Variants in SEC23A observed in about 807,000 individuals in gnomAD.
SEC23A encodes protein transport protein Sec23A.
SEC23A carries 56 observed loss-of-function variants against 103.7 expected under a neutral mutation model. That is an observed-to-expected ratio of 0.54 (90% CI 0.44 to 0.67). SEC23A has a LOEUF of 0.67. Among genes scored for constraint, SEC23A ranks in the 30% least tolerant of loss-of-function variants. The pLI is 0.00. For missense variants in SEC23A, 784 were observed against 936.4 expected (o/e 0.84, Z 2.12); for synonymous variants, 281 against 293.0 (o/e 0.96, Z 0.42).
rs199838604 is a variant in SEC23A at position 39,067,267 on chromosome 14, T to G, written c.1133A>C (p.Asn378Thr). The G allele has an allele frequency of 1.2e-6, 2 of 1,613,616 alleles. No individual in the cohort carries two copies. The highest frequency in any genetic ancestry group is 2.2e-5 in the East Asian group (1 of 44,784). The part of the protein sequence containing the change: ...GGYMVMGDSF[N>T]TSLFKQTFQR... ...AAAAGTTTGTTTGAATAAGGAAGTA[T>G]TGAAAGAATCACCCATTACCATGTA... The change falls in exon 10 of 20, where the codon AAT (asparagine) becomes ACT (threonine). Residue 378 changes from asparagine (N) to threonine (T), a missense_variant. Asn to Thr is a moderately conservative substitution (Grantham distance 65). This residue lies in a region of SEC23A where 683 missense variants were observed against 774.2 expected (regional missense o/e 0.88). Transcript: ENST00000307712.
intron 10 of SEC23A, among the ~76,000 whole-genome samples, chr14:39,065,303 C>T (rs1886619618): frequency 6.6e-6 from 1 of 152,074 alleles, no homozygotes; most frequent in Non-Finnish European, 1.5e-5. Context: ...AAACCTTAGA[C>T]ACCCTATTCT....
rs1380957463 is a variant in SEC23A, at chr14:39,094,447, T to A, written c.222-1203A>T. Among the ~76,000 whole-genome samples, 8 of 44,182 alleles carry A rather than the reference T, an allele frequency of 1.8e-4. 1 individual carries two copies. Among genetic ancestry groups the A allele is most frequent in the African/African-American group, 4.4e-4 (2 of 4,500 alleles). 29.0% of individuals were successfully genotyped at this position (44,182 alleles called of 152,430 possible). On this transcript the variant is annotated intron_variant, in intron 2 of 19. Coordinates refer to ENST00000307712, the MANE Select transcript of SEC23A (RefSeq NM_006364.4). ...ATATATATATATATATATATATTTTTTTTTTTTTTTTTTCCCCTCCTGTAG... is the reference window on the plus strand; with the variant it reads ...ATATATATATATATATATATATTTTATTTTTTTTTTTTTCCCCTCCTGTAG...
At chr14:39,052,168 A>G (rs1035159367) in intron 14 of SEC23A, among the ~76,000 whole-genome samples, 16 of 152,046 alleles carry the variant, frequency 1.1e-4, no homozygotes, top group Non-Finnish European at 1.9e-4. Context: ...GAGTGAGGGG[A>G]GGGAGAGCAT....
chr14:39,059,868 A>G (rs980945198), intron 13 of SEC23A, among the ~76,000 whole-genome samples: 2 of 152,198 alleles, frequency 1.3e-5, no homozygotes, highest in Non-Finnish European at 2.9e-5. Flanking sequence ...TGGCTTCTAA[A>G]GCAAAATTTT....
rs549539161 is a variant in SEC23A, at chr14:39,094,097, C to T, written c.222-853G>A. Among the ~76,000 whole-genome samples, 782 of 151,184 alleles carry T rather than the reference C, an allele frequency of 5.2e-3. 11 individuals are homozygous for T. The highest frequency in any genetic ancestry group is 0.018 in the African/African-American group (751 of 41,258). Reference sequence around the variant, plus strand: ...AGTGCAATGGTAGAATCATAGCTCCCTGCAGCATTGAACTCCTGGCTCAAG... The same window carrying T: ...AGTGCAATGGTAGAATCATAGCTCCTTGCAGCATTGAACTCCTGGCTCAAG... On this transcript the variant is annotated intron_variant, in intron 2 of 19. Transcript: ENST00000307712.
At chr14:39,083,365 CCT>C (rs1361858264) in intron 7 of SEC23A, among the ~76,000 whole-genome samples, 1 of 151,952 alleles carries the variant, frequency 6.6e-6, no homozygotes, top group Non-Finnish European at 1.5e-5. Flanking sequence ...CTGTCTCTCA[CCT>C]ATCTGTGACC....
chr14:39,062,919 T>A (rs1886529284), intron 12 of SEC23A, among the ~76,000 whole-genome samples: 3 of 152,192 alleles, frequency 2.0e-5, no homozygotes, highest in Admixed American at 1.3e-4. Context: ...TTTTGACATA[T>A]TAGACCTTCT....
intron 4 of SEC23A, among the ~76,000 whole-genome samples, chr14:39,091,943 C>A (rs544248448): frequency 6.6e-6 from 1 of 152,270 alleles, no homozygotes; most frequent in African/African-American, 2.4e-5. Flanking sequence ...CTTTCACTTT[C>A]CATTTTATTT....
intron 13 of SEC23A, among the ~76,000 whole-genome samples, chr14:39,057,305 C>CA (rs113439177): frequency 0.83 from 119,936 of 144,258 alleles, 49,652 homozygotes; most frequent in East Asian, 0.95. Flanking sequence ...GACTTTGTCT[C>CA]AAAAAAAAAA....
intron 6 of SEC23A, among the ~76,000 whole-genome samples, chr14:39,086,715 A>C (rs1887457151): frequency 6.6e-6 from 1 of 152,244 alleles, no homozygotes; most frequent in Non-Finnish European, 1.5e-5. Flanking sequence ...GGAAAATAAC[A>C]AAACTAAAGT....
intron 12 of SEC23A, among the ~76,000 whole-genome samples, chr14:39,062,073 A>G (rs766231117): frequency 6.6e-6 from 1 of 152,198 alleles, no homozygotes; most frequent in Non-Finnish European, 1.5e-5. Flanking sequence ...ATAATCAAGA[A>G]TGATAGAAGT....
intron 11 of SEC23A, 185 bp downstream of exon 11, chr14:39,064,728 G>A: frequency 3.2e-6 from 2 of 615,612 alleles, no homozygotes; most frequent in Admixed American, 2.8e-5. Flanking sequence ...TGCGTTCGCT[G>A]TGTCTTTTTT....
At chr14:39,054,437 T>C (rs955719372) in intron 14 of SEC23A, among the ~76,000 whole-genome samples, 2 of 152,202 alleles carry the variant, frequency 1.3e-5, no homozygotes, top group African/African-American at 4.8e-5. Context: ...GACTTGTCTA[T>C]ATTTTGCATG....
At chr14:39,046,131 G>A (rs148014464) in intron 15 of SEC23A, among the ~76,000 whole-genome samples, 10 of 152,056 alleles carry the variant, frequency 6.6e-5, no homozygotes, top group Admixed American at 2.6e-4. Flanking sequence ...TTCGCTTTCC[G>A]CCATGATTGT....
In SEC23A at chr14:39,065,997, C is replaced by CAAAAAAA. The variant is rs59260008; in HGVS notation, c.1228-1011_1228-1005dup. On this transcript the variant is annotated intron_variant, in intron 10 of 19. Coordinates refer to ENST00000307712, the MANE Select transcript of SEC23A (RefSeq NM_006364.4). ...GGGCAATAAGAGCGAAACTCCATCT[C>CAAAAAAA]AAAAAAAAAAAAAAAAAAAAAAAAA... Among the ~76,000 whole-genome samples, 89 of 80,490 alleles carry CAAAAAAA rather than the reference C, an allele frequency of 1.1e-3. 3 individuals carry two copies. The highest frequency in any genetic ancestry group is 1.8e-3 in the South Asian group (4 of 2,262). 52.8% of individuals were successfully genotyped at this position (80,490 alleles called of 152,430 possible). A position where few individuals can be genotyped will look rare whatever the true frequency, so the allele number is the denominator to read the frequency against.
intron 2 of SEC23A, among the ~76,000 whole-genome samples, chr14:39,093,571 G>A (rs1887738187): frequency 6.6e-6 from 1 of 152,104 alleles, no homozygotes; most frequent in African/African-American, 2.4e-5. Context: ...ACCAGCTTGG[G>A]CAATATGGTG....
chr14:39,049,025 A>G (rs917531390), intron 14 of SEC23A, among the ~76,000 whole-genome samples: 1 of 152,126 alleles, frequency 6.6e-6, no homozygotes, highest in African/African-American at 2.4e-5. Context: ...AGATAACAAC[A>G]AAAAAGCTCA....
At chr14:39,063,181 G>A (rs1886536383) in intron 12 of SEC23A, 143 bp downstream of exon 12, 3 of 559,846 alleles carry the variant, frequency 5.4e-6, no homozygotes, top group Non-Finnish European at 9.5e-6. Flanking sequence ...AATAAAAAAC[G>A]ACAAATATAA....
At chr14:39,059,568 T>C (rs892529020) in intron 13 of SEC23A, among the ~76,000 whole-genome samples, 1 of 152,062 alleles carries the variant, frequency 6.6e-6, no homozygotes, top group Non-Finnish European at 1.5e-5. Context: ...ACAGTAAGAG[T>C]GGAATAAACT....
Sources: allele counts gnomAD v4.1 joint callset (sites outside exome capture counted in the v4.1 genomes callset), GRCh38; gene constraint gnomAD v4.1.1; regional missense constraint gnomAD v4.1.1; transcripts MANE v1.5; gene names NCBI Gene and HGNC (gene_info 2026-07-23, HGNC 2026-07-21).